Variants in NKAIN2 observed in about 807,000 individuals in gnomAD.
NKAIN2 encodes the protein sodium/potassium-transporting ATPase subunit beta-1-interacting protein 2.
Under a neutral mutation model 32.6 loss-of-function variants are expected in NKAIN2, and 14 were observed. That is an observed-to-expected ratio of 0.43 (90% CI 0.28 to 0.67). The LOEUF is 0.67. Ranked by LOEUF, NKAIN2 falls within the 30% of genes least tolerant of loss-of-function variation. The pLI, the probability that NKAIN2 is intolerant of heterozygous loss-of-function variation, is 0.17. For missense variants in NKAIN2, 198 were observed against 258.3 expected (o/e 0.77, Z 1.60); for synonymous variants, 80 against 87.2 (o/e 0.92, Z 0.46).
chr6:124,532,699 A>G (rs577645961), intron 3 of NKAIN2, among the ~76,000 whole-genome samples: 52 of 152,338 alleles, frequency 3.4e-4, no homozygotes, highest in Admixed American at 1.0e-3. Context: ...CCAGAACTAC[A>G]GGAAACTGCT....
chr6:124,233,423 C>A (rs1792565878), intron 1 of NKAIN2, among the ~76,000 whole-genome samples: 1 of 152,180 alleles, frequency 6.6e-6, no homozygotes, highest in African/African-American at 2.4e-5. Flanking sequence ...CAGCTCAGTT[C>A]CCTATGGTGA....
chr6:124,599,694 C>G (rs17052134), intron 3 of NKAIN2, among the ~76,000 whole-genome samples: 10,549 of 152,082 alleles, frequency 0.069, 391 homozygotes, highest in East Asian at 0.12. Context: ...CTGTGAATAT[C>G]ATTGAATGGC....
At chr6:124,362,625 G>A (rs1015250026) in intron 3 of NKAIN2, among the ~76,000 whole-genome samples, 6 of 151,890 alleles carry the variant, frequency 4.0e-5, no homozygotes, top group African/African-American at 1.5e-4. Flanking sequence ...CTTCAGTCTT[G>A]ACCTTGTTGC....
At chr6:124,322,548 C>T (rs1316083421) in intron 2 of NKAIN2, among the ~76,000 whole-genome samples, 1 of 152,182 alleles carries the variant, frequency 6.6e-6, no homozygotes, top group African/African-American at 2.4e-5. Context: ...ATCATCCCTA[C>T]CATCCTTTAA....
intron 1 of NKAIN2, among the ~76,000 whole-genome samples, chr6:124,044,755 C>T (rs1296905236): frequency 2.0e-5 from 3 of 152,090 alleles, no homozygotes; most frequent in Non-Finnish European, 2.9e-5. Context: ...TGGCAGACTA[C>T]TAACCTTTCT....
intron 2 of NKAIN2, among the ~76,000 whole-genome samples, chr6:124,287,058 T>A (rs902885841): frequency 3.3e-5 from 5 of 152,176 alleles, no homozygotes; most frequent in African/African-American, 1.2e-4. Flanking sequence ...ATGTAGATAA[T>A]TTAATAAAGA....
chr6:124,241,814 T>A (rs930846279), intron 1 of NKAIN2, among the ~76,000 whole-genome samples: 42 of 152,008 alleles, frequency 2.8e-4, no homozygotes, highest in African/African-American at 8.2e-4. Context: ...ATATTTTTTT[T>A]AAAAGTACTA....
At chr6:124,703,628 G>A (rs1346812681) in intron 4 of NKAIN2, among the ~76,000 whole-genome samples, 1 of 151,996 alleles carries the variant, frequency 6.6e-6, no homozygotes, top group African/African-American at 2.4e-5. Flanking sequence ...ACAAGTGTGT[G>A]GAAAACACTT....
chr6:124,474,830 T>TTCTA (rs1777120928), intron 3 of NKAIN2, among the ~76,000 whole-genome samples: 1 of 147,296 alleles, frequency 6.8e-6, no homozygotes, highest in Non-Finnish European at 1.5e-5. Flanking sequence ...CATATATATT[T>TTCTA]TACATACATA....
chr6:124,321,340 G>A (rs1797180097), intron 2 of NKAIN2, among the ~76,000 whole-genome samples: 1 of 152,092 alleles, frequency 6.6e-6, no homozygotes, highest in African/African-American at 2.4e-5. Context: ...ACTAGGGGAA[G>A]AATACCATTA....
chr6:124,175,830 T>C (rs896817865), intron 1 of NKAIN2, among the ~76,000 whole-genome samples: 1 of 152,198 alleles, frequency 6.6e-6, no homozygotes, highest in Non-Finnish European at 1.5e-5. Context: ...AAAACTGTTC[T>C]CTCCAAAGTT....
At chr6:124,287,020 C>T (rs1273578526) in intron 2 of NKAIN2, among the ~76,000 whole-genome samples, 1 of 151,916 alleles carries the variant, frequency 6.6e-6, no homozygotes, top group Admixed American at 6.6e-5. Flanking sequence ...AATTTTTTAC[C>T]CTGCAGTCTT....
chr6:124,357,380 C>T (rs907737994), intron 3 of NKAIN2, among the ~76,000 whole-genome samples: 12 of 152,118 alleles, frequency 7.9e-5, no homozygotes, highest in Non-Finnish European at 1.6e-4. Flanking sequence ...AACTGCCTCA[C>T]ATTCTTCAGG....
intron 3 of NKAIN2, among the ~76,000 whole-genome samples, chr6:124,360,927 T>C (rs576396956): frequency 6.6e-5 from 10 of 152,142 alleles, no homozygotes; most frequent in African/African-American, 1.9e-4. Context: ...GTGACATGGG[T>C]TATTGAATTA....
chr6:124,682,558 A>C (rs1773674068), intron 4 of NKAIN2, among the ~76,000 whole-genome samples: 1 of 152,186 alleles, frequency 6.6e-6, no homozygotes, highest in African/African-American at 2.4e-5. Flanking sequence ...CTCAGTATTA[A>C]GTCTCAAAAA....
Position 124,002,600 on chromosome 6 carries a change from C to G in NKAIN2, c.54+198346C>G, listed in dbSNP as rs116287911. Among the ~76,000 whole-genome samples, 1,050 of 152,178 alleles carry G rather than the reference C, an allele frequency of 6.9e-3. 11 individuals carry two copies. Among genetic ancestry groups the G allele is most frequent in the African/African-American group, 0.024 (1,017 of 41,532 alleles). On this transcript the variant is annotated intron_variant, in intron 1 of 6. Transcript: ENST00000368417. ...CTGCTTTGGCCATAGACTATGATCT[C>G]CACCTTCTTTACTCTATTTAAGGTA...
At chr6:124,631,404 G>A (rs1012472537) in intron 3 of NKAIN2, among the ~76,000 whole-genome samples, 1 of 152,078 alleles carries the variant, frequency 6.6e-6, no homozygotes, top group African/African-American at 2.4e-5. Flanking sequence ...ACATTTTCCT[G>A]TCTATTTAAG....
intron 3 of NKAIN2, among the ~76,000 whole-genome samples, chr6:124,406,013 G>GGTGTGTGTGTGTGTGTGT (rs59361002): frequency 0.045 from 6,698 of 148,450 alleles, 406 homozygotes; most frequent in African/African-American, 0.14. Context: ...TTACCACCAC[G>GGTGTGTGTGTGTGTGTGT]GTGTGTGTGT....
At chr6:124,323,784 CTTTTTTTTTTTT>C (rs1188944631) in intron 2 of NKAIN2, among the ~76,000 whole-genome samples, 1 of 115,932 alleles carries the variant, frequency 8.6e-6, no homozygotes, top group Admixed American at 8.7e-5. Flanking sequence ...TTAATTTTTT[CTTTTTTTTTTTT>C]TTTTTTTCTG....
Sources: allele counts gnomAD v4.1 joint callset (sites outside exome capture counted in the v4.1 genomes callset), GRCh38; gene constraint gnomAD v4.1.1; transcripts MANE v1.5; gene names NCBI Gene and HGNC (gene_info 2026-07-23, HGNC 2026-07-21).